STX8: variants seen among roughly 807,000 people sequenced by gnomAD.
STX8 encodes syntaxin-8.
A neutral mutation model predicts 37.5 loss-of-function variants in STX8; 23 were observed. That is an observed-to-expected ratio of 0.61 (90% confidence interval 0.44 to 0.87). The LOEUF is 0.87. Among genes scored for constraint, STX8 ranks in the 40% least tolerant of loss-of-function variants. STX8 has a pLI of 0.00. For missense variants in STX8, 313 were observed against 284.7 expected, an observed-to-expected ratio of 1.10 and a Z score of -0.71; for synonymous variants, 115 against 99.1, an observed-to-expected ratio of 1.16 and a Z score of -0.95.
At chr17:9,289,470 A>T (rs1908227981) in intron 7 of STX8, among the ~76,000 whole-genome samples, 1 of 152,162 alleles carries the variant, frequency 6.6e-6, no homozygotes, top group East Asian at 1.9e-4. Context: ...AGGAAAATAT[A>T]AAAAAGACAG....
intron 7 of STX8, among the ~76,000 whole-genome samples, chr17:9,308,989 C>CA (rs1555593632): frequency 6.7e-6 from 1 of 149,860 alleles, no homozygotes; most frequent in African/African-American, 2.5e-5. Flanking sequence ...GCCTAGTTTT[C>CA]TTTTTTTTTC....
chr17:9,551,861 T>C (rs1906772172), intron 3 of STX8, among the ~76,000 whole-genome samples: 1 of 152,004 alleles, frequency 6.6e-6, no homozygotes, highest in African/African-American at 2.4e-5. Flanking sequence ...ACATTCAGGT[T>C]TCGTGGACCA....
intron 4 of STX8, among the ~76,000 whole-genome samples, chr17:9,534,335 GAAACAAACAAAC>G (rs149008719): frequency 2.4e-4 from 36 of 151,708 alleles, no homozygotes; most frequent in South Asian, 4.2e-4. Flanking sequence ...ATGCCTTGGA[GAAACAAACAAAC>G]AAACAAACAA....
chr17:9,383,909 G>C (rs968563916), intron 6 of STX8, among the ~76,000 whole-genome samples: 1 of 152,176 alleles, frequency 6.6e-6, no homozygotes, highest in African/African-American at 2.4e-5. Context: ...AACTGAAGAT[G>C]TGTAAGACCT....
Position 9,287,091 on chromosome 17 carries a change from T to C in STX8, c.644-36446A>G, listed in dbSNP as rs559822155. Among the ~76,000 whole-genome samples, 57 of 152,154 alleles carry C rather than the reference T, an allele frequency of 3.7e-4. 1 individual carries two copies. The highest frequency in any genetic ancestry group is 5.2e-4 in the Admixed American group (8 of 15,260). ...CCCAAACTCTACTAGTGGGGAATGG[T>C]ATAAATATATAAACCAAAAGAACAG... On this transcript the variant is annotated intron_variant, in intron 7 of 7. Coordinates refer to ENST00000306357, the MANE Select transcript of STX8 (RefSeq NM_004853.3).
At chr17:9,545,126 G>C (rs1046775674) in intron 4 of STX8, 46 bp downstream of exon 4, 27 of 1,311,978 alleles carry the variant, frequency 2.1e-5, no homozygotes, top group Admixed American at 3.5e-5. Context: ...TATCTGCAAA[G>C]AAGTCTTCGC....
chr17:9,330,000 G>A (rs758118767), intron 7 of STX8, among the ~76,000 whole-genome samples: 10 of 151,920 alleles, frequency 6.6e-5, no homozygotes, highest in African/African-American at 1.2e-4. Flanking sequence ...GGAAGGTGAA[G>A]GTGTGCAGGC....
At chr17:9,469,517 A>T (rs1773802854) in intron 6 of STX8, among the ~76,000 whole-genome samples, 1 of 152,186 alleles carries the variant, frequency 6.6e-6, no homozygotes. Flanking sequence ...CACCTTATTA[A>T]TGTACATCCC....
intron 7 of STX8, among the ~76,000 whole-genome samples, chr17:9,277,449 G>A (rs1907715908): frequency 6.6e-6 from 1 of 152,028 alleles, no homozygotes; most frequent in South Asian, 2.1e-4. Flanking sequence ...CATCTAGGCT[G>A]AATACACAGA....
chr17:9,409,991 C>T (rs966369843), intron 6 of STX8, among the ~76,000 whole-genome samples: 5 of 149,632 alleles, frequency 3.3e-5, no homozygotes, highest in Admixed American at 2.7e-4. Flanking sequence ...TCCTATGAAT[C>T]GTAAGTACGA....
intron 7 of STX8, among the ~76,000 whole-genome samples, chr17:9,288,675 AAAATAAATAAAT>A (rs560148486): frequency 1.2e-4 from 18 of 150,930 alleles, no homozygotes; most frequent in East Asian, 1.9e-4. Flanking sequence ...ATAAATAAAT[AAAATAAATAAAT>A]AAATAAATAA....
intron 6 of STX8, among the ~76,000 whole-genome samples, chr17:9,475,964 A>G (rs1906086250): frequency 6.6e-6 from 1 of 152,244 alleles, no homozygotes; most frequent in Admixed American, 6.5e-5. Context: ...GCGGATCACG[A>G]GGTCAGGAGT....
intron 6 of STX8, among the ~76,000 whole-genome samples, chr17:9,448,621 C>G (rs969145465): frequency 1.3e-5 from 2 of 151,852 alleles, no homozygotes; most frequent in Non-Finnish European, 2.9e-5. Context: ...CACTATCTAT[C>G]TATACCTATC....
Position 9,507,464 on chromosome 17 carries a change from C to A in STX8, c.324-2302G>T, listed in dbSNP as rs1904882130. Among the ~76,000 whole-genome samples the A allele has an allele frequency of 6.6e-6, 1 of 152,216 alleles. No homozygotes were observed. Among genetic ancestry groups the A allele is most frequent in the Non-Finnish European group, 1.5e-5 (1 of 68,042 alleles). On this transcript the variant is annotated intron_variant, in intron 4 of 7. Transcript: ENST00000306357. This position sits in a 1 kb window ranked among gnomAD's most constrained non-coding sequence, Gnocchi z 4.0. Reference sequence around the variant, plus strand: ...GGGCCATCAAGCAGACTTATGCCCACCTCTCATGCCTGAGAAATAGCCCTG... The same window carrying A: ...GGGCCATCAAGCAGACTTATGCCCAACTCTCATGCCTGAGAAATAGCCCTG...
At chr17:9,407,076 T>A (rs1328040104) in intron 6 of STX8, among the ~76,000 whole-genome samples, 2 of 152,186 alleles carry the variant, frequency 1.3e-5, no homozygotes, top group Non-Finnish European at 2.9e-5. Context: ...GTTAACTGAA[T>A]AATAAACAGG....
At chr17:9,517,628 G>A (rs2142518061) in intron 4 of STX8, among the ~76,000 whole-genome samples, 1 of 152,102 alleles carries the variant, frequency 6.6e-6, no homozygotes, top group East Asian at 1.9e-4. Context: ...CTTAACCCAA[G>A]GCATTTCCTT....
At chr17:9,293,874 G>C (rs1567771578) in intron 7 of STX8, among the ~76,000 whole-genome samples, 1 of 151,728 alleles carries the variant, frequency 6.6e-6, no homozygotes, top group Non-Finnish European at 1.5e-5. Flanking sequence ...CCATTCTGCT[G>C]TCTCAGCCTC....
intron 6 of STX8, among the ~76,000 whole-genome samples, chr17:9,393,974 T>C (rs1464846823): frequency 1.3e-5 from 2 of 152,212 alleles, no homozygotes; most frequent in Non-Finnish European, 2.9e-5. Flanking sequence ...AATTTTGTTT[T>C]GTGTTAATTT....
chr17:9,266,451 G>A (rs1045709447), intron 7 of STX8, among the ~76,000 whole-genome samples: 3 of 152,132 alleles, frequency 2.0e-5, no homozygotes, highest in Admixed American at 6.5e-5. Flanking sequence ...CTGTATTAGC[G>A]GCCGTTTTAC....
Sources: allele counts gnomAD v4.1 joint callset (sites outside exome capture counted in the v4.1 genomes callset), GRCh38; gene constraint gnomAD v4.1.1; non-coding constraint Gnocchi (gnomAD v3.1); transcripts MANE v1.5; gene names NCBI Gene and HGNC (gene_info 2026-07-23, HGNC 2026-07-21).